IQCH: variants seen among roughly 807,000 people sequenced by gnomAD.
IQCH encodes IQ domain-containing protein H.
A neutral mutation model predicts 117.0 loss-of-function variants in IQCH; 98 were observed. That is an observed-to-expected ratio of 0.84 (90% CI 0.71 to 0.99). The LOEUF is 0.99. IQCH is among the 50% of genes least tolerant of loss of function. The pLI is 0.00. For missense variants in IQCH, 1,102 were observed against 1,243.8 expected (o/e 0.89, Z 1.72); for synonymous variants, 412 against 448.2 (o/e 0.92, Z 1.02).
rs954854258 is a variant in IQCH, at chr15:67,365,572, G to T, written c.753+5687G>T. On this transcript the variant is annotated intron_variant, in intron 8 of 20. Transcript: ENST00000335894. The surrounding 1 kb of genome is among the most constrained non-coding windows in gnomAD (Gnocchi z 4.4). ...ATTTTAGTGAGAGAGGCAATAATCA[G>T]ATATTTAATATAATATCAAAGAGTG... is the stretch of plus-strand genomic sequence containing the variant. 6.6e-6 allele frequency among the ~76,000 whole-genome samples: 1 copy of T among 152,098 alleles called. No homozygotes were observed. The highest frequency in any genetic ancestry group is 1.5e-5 in the Non-Finnish European group (1 of 68,024).
chr15:67,356,218 C>T lies in IQCH; in HGVS notation c.638-1127C>T, dbSNP rs568281982. Among the ~76,000 whole-genome samples the T allele has an allele frequency of 6.6e-6, 1 of 152,288 alleles. No individual in the cohort carries two copies. The highest frequency in any genetic ancestry group is 2.4e-5 in the African/African-American group (1 of 41,564). The stretch of plus-strand genomic sequence containing the variant: ...GAGAGCATAGAACTGAAGGCAAAAA[C>T]TATACCCTTAAAATGGGGTCTTCAT... On this transcript the variant is annotated intron_variant, in intron 6 of 20. Transcript: ENST00000335894. The surrounding 1 kb of genome is among the most constrained non-coding windows in gnomAD (Gnocchi z 5.3).
chr15:67,340,450 A>AAAAC (rs1969112608), intron 5 of IQCH, among the ~76,000 whole-genome samples: 1 of 121,140 alleles, frequency 8.3e-6, no homozygotes, highest in Non-Finnish European at 1.7e-5. Context: ...AAAAAAAAAA[A>AAAAC]AAAAAAAAAA....
chr15:67,425,865 A>T lies in IQCH; in HGVS notation c.2505+4288A>T, dbSNP rs1405846780. 6.6e-6 allele frequency among the ~76,000 whole-genome samples: 1 copy of T among 152,154 alleles called. No homozygotes were observed. Among genetic ancestry groups the T allele is most frequent in the Non-Finnish European group, 1.5e-5 (1 of 68,030 alleles). Reference sequence around the variant, plus strand: ...AATTTTCCTTCTCCACCTCTCATTTATGCCTGTAGGTCTGTATGTATTTAT... The same window carrying T: ...AATTTTCCTTCTCCACCTCTCATTTTTGCCTGTAGGTCTGTATGTATTTAT... On this transcript the variant is annotated intron_variant, in intron 16 of 20. Coordinates refer to ENST00000335894, the MANE Select transcript of IQCH (RefSeq NM_001031715.3). This position sits in a 1 kb window ranked among gnomAD's most constrained non-coding sequence, Gnocchi z 5.5.
intron 18 of IQCH, among the ~76,000 whole-genome samples, chr15:67,488,776 A>C (rs1247676374): frequency 6.6e-6 from 1 of 152,178 alleles, no homozygotes; most frequent in African/African-American, 2.4e-5. Context: ...TACAGTTAAC[A>C]ATAGGTTTCC....
In IQCH at chr15:67,261,270, A is replaced by C. The variant is rs1302471062; in HGVS notation, c.52-2A>C. The C allele has an allele frequency of 2.0e-6, 3 of 1,521,862 alleles. No individual in the cohort carries two copies. In the Admixed American group the frequency reaches 6.7e-5, roughly 34 times the overall value. The allele number at this position is 1,521,862 out of a possible 1,614,324, so 94.3% of individuals were successfully genotyped here. On this transcript the variant is annotated splice_acceptor_variant, in intron 1 of 20. Transcript: ENST00000335894. LOFTEE classifies it high-confidence loss of function. ...AATATTTTTCATTTTTTATACCTAT[A>C]GATCCATGAAGACCTTTATCAGTTA...
intron 4 of IQCH, among the ~76,000 whole-genome samples, chr15:67,307,767 GTTAAC>G (rs1199464582): frequency 5.3e-5 from 8 of 152,258 alleles, no homozygotes; most frequent in East Asian, 1.9e-4. Flanking sequence ...CTGAGATGGA[GTTAAC>G]TTAACAGATG....
At chr15:67,375,561 T>C (rs1002128618) in intron 10 of IQCH, among the ~76,000 whole-genome samples, 1 of 152,140 alleles carries the variant, frequency 6.6e-6, no homozygotes, top group African/African-American at 2.4e-5. Flanking sequence ...AATAAATACA[T>C]AATAAATATG....
intron 13 of IQCH, among the ~76,000 whole-genome samples, chr15:67,397,755 A>C (rs1483190754): frequency 7.6e-6 from 1 of 131,044 alleles, no homozygotes; most frequent in East Asian, 2.2e-4. Context: ...AAAATTTATT[A>C]CATCTTTTGA....
In IQCH at chr15:67,431,913, G is replaced by A. The variant is rs775649559; in HGVS notation, c.2505+10336G>A. On this transcript the variant is annotated intron_variant, in intron 16 of 20. Transcript: ENST00000335894. The surrounding 1 kb of genome is among the most constrained non-coding windows in gnomAD (Gnocchi z 4.8). ...TAGTTGGGCATGGTGGCACACATCT[G>A]TAATCCTACCTACATGGGAGGCTGA... 1.3e-5 allele frequency among the ~76,000 whole-genome samples: 2 copies of A among 152,164 alleles called. No individual in the cohort carries two copies. Among genetic ancestry groups the A allele is most frequent in the Non-Finnish European group, 2.9e-5 (2 of 68,028 alleles).
At chr15:67,383,461 G>A (rs561075414) in intron 10 of IQCH, among the ~76,000 whole-genome samples, 3 of 152,274 alleles carry the variant, frequency 2.0e-5, no homozygotes, top group South Asian at 2.1e-4. Flanking sequence ...ATCTTAATGA[G>A]ACATATTATA....
Position 67,432,202 on chromosome 15 carries a change from G to C in IQCH, c.2505+10625G>C, listed in dbSNP as rs2082035032. On this transcript the variant is annotated intron_variant, in intron 16 of 20. Transcript: ENST00000335894. This position sits in a 1 kb window ranked among gnomAD's most constrained non-coding sequence, Gnocchi z 5.0. ...TATGAAAACTAGCTATTGGAGAGTAGTAATGGCCCTTCCAAAACATAAAGT... is the reference window on the plus strand; with the variant it reads ...TATGAAAACTAGCTATTGGAGAGTACTAATGGCCCTTCCAAAACATAAAGT... Among the ~76,000 whole-genome samples, 1 of 152,140 alleles carries C rather than the reference G, an allele frequency of 6.6e-6. No individual in the cohort carries two copies. The highest frequency in any genetic ancestry group is 1.5e-5 in the Non-Finnish European group (1 of 68,022).
rs1439489663 is a variant in IQCH at position 67,373,422 on chromosome 15, T to C, written c.1361T>C (p.Ile454Thr). The change falls in exon 10 of 21, where the codon ATC becomes ACC. Residue 454 changes from isoleucine (I) to threonine (T), a missense_variant. Coordinates refer to ENST00000335894, the MANE Select transcript of IQCH (RefSeq NM_001031715.3). ...ACCTCCAGGAGGACTATTATCCATA[T>C]CCCATCATTAGGTATAACACTTTTG... ...IRTSRRTIIH[I>T]PSLGYSQPVR... 5.0e-6 allele frequency: 8 copies of C among 1,608,048 alleles called. No individual in the cohort carries two copies. The highest frequency in any genetic ancestry group is 6.8e-6 in the Non-Finnish European group (8 of 1,174,880).
intron 13 of IQCH, among the ~76,000 whole-genome samples, chr15:67,397,222 A>C (rs114505810): frequency 1.1e-3 from 168 of 152,372 alleles, no homozygotes; most frequent in African/African-American, 3.8e-3. Flanking sequence ...TCTTGCCTTC[A>C]TCTTCACTGA....
At chr15:67,372,005 T>TC (rs1970550584) in intron 8 of IQCH, 106 bp from the exon 9 acceptor site, 1 of 974,788 alleles carries the variant, frequency 1.0e-6, no homozygotes, top group African/African-American at 1.7e-5. Flanking sequence ...ATTCATATCT[T>TC]CCCACCATTG....
intron 13 of IQCH, among the ~76,000 whole-genome samples, chr15:67,398,592 T>C (rs971779419): frequency 6.6e-6 from 1 of 152,148 alleles, no homozygotes; most frequent in African/African-American, 2.4e-5. Context: ...TGCCATGTAG[T>C]ATAGTATCCC....
At position 67,490,142 on chromosome 15, in the gene IQCH, A is replaced by G; in HGVS notation, c.2861+78A>G. On this transcript the variant is annotated intron_variant, in intron 19 of 20. Transcript: ENST00000335894. This position sits in a 1 kb window ranked among gnomAD's most constrained non-coding sequence, Gnocchi z 4.9. The stretch of plus-strand genomic sequence containing the variant: ...ACAACTAACAAGAATGATGCTTCTC[A>G]TGCATTTTAATCAGCATGCTGATTT... 2 of 929,502 alleles carry G rather than the reference A, an allele frequency of 2.2e-6. No individual in the cohort carries two copies. Among genetic ancestry groups the G allele is most frequent in the Non-Finnish European group, 3.5e-6 (2 of 572,192 alleles). The allele number at this position is 929,502 out of a possible 1,614,324, so 57.6% of individuals were successfully genotyped here. A position where few individuals can be genotyped will look rare whatever the true frequency, so the allele number is the denominator to read the frequency against.
chr15:67,483,483 C>T (rs1197297579), intron 18 of IQCH, among the ~76,000 whole-genome samples: 1 of 152,234 alleles, frequency 6.6e-6, no homozygotes, highest in African/African-American at 2.4e-5. Flanking sequence ...CGCTACTGCG[C>T]TCCAGCCTGG....
intron 4 of IQCH, 47 bp downstream of exon 4, chr15:67,279,559 C>A: frequency 8.9e-7 from 1 of 1,124,018 alleles, no homozygotes; most frequent in Non-Finnish European, 1.3e-6. Context: ...TTAGTGATTG[C>A]CAGGGGCTGG....
At chr15:67,297,270 A>G (rs982688602) in intron 4 of IQCH, among the ~76,000 whole-genome samples, 1 of 152,210 alleles carries the variant, frequency 6.6e-6, no homozygotes, top group African/African-American at 2.4e-5. Flanking sequence ...TTTATTAAGA[A>G]AATGTATTTT....
Sources: gnomAD v4.1 joint callset for allele counts (sites outside exome capture counted in the v4.1 genomes callset) on GRCh38, gnomAD v4.1.1 for gene constraint, Gnocchi (gnomAD v3.1) non-coding constraint, MANE v1.5 for transcripts, NCBI Gene and HGNC (gene_info 2026-07-23, HGNC 2026-07-21) for gene names.